The following CAMK1D variants were observed in gnomAD, a reference collection of about 807,000 sequenced individuals.
CAMK1D encodes calcium/calmodulin-dependent protein kinase type 1D.
A neutral mutation model predicts 47.7 loss-of-function variants in CAMK1D; 9 were observed. The observed-to-expected ratio is 0.19, with a 90% CI of 0.11 to 0.33. The LOEUF is 0.33. Ranked by LOEUF, CAMK1D falls within the 10% of genes least tolerant of loss-of-function variation. CAMK1D has a pLI of 1.00. For missense variants in CAMK1D, 291 were observed against 488.7 expected, an observed-to-expected ratio of 0.60 and a Z score of 3.81; for synonymous variants, 184 against 184.9, an observed-to-expected ratio of 0.99 and a Z score of 0.04.
intron 3 of CAMK1D, among the ~76,000 whole-genome samples, chr10:12,729,116 T>G (rs1383369144): frequency 6.6e-6 from 1 of 152,178 alleles, no homozygotes. Flanking sequence ...TTGGGCACCA[T>G]AGAATTCCAA....
intron 1 of CAMK1D, among the ~76,000 whole-genome samples, chr10:12,516,914 T>C (rs1320108081): frequency 1.3e-5 from 2 of 152,236 alleles, no homozygotes; most frequent in African/African-American, 4.8e-5. Context: ...TGTCAGTTTC[T>C]ACAGCAGACT....
At chr10:12,437,662 G>C (rs1184665685) in intron 1 of CAMK1D, among the ~76,000 whole-genome samples, 1 of 152,058 alleles carries the variant, frequency 6.6e-6, no homozygotes, top group African/African-American at 2.4e-5. Flanking sequence ...ACAATGACAC[G>C]TCACCATCAC....
intron 5 of CAMK1D, among the ~76,000 whole-genome samples, chr10:12,790,595 C>G (rs1837936947): frequency 7.2e-6 from 1 of 139,640 alleles, no homozygotes; most frequent in South Asian, 2.2e-4. Context: ...AGTAATCTCA[C>G]ATCTCACACA....
intron 3 of CAMK1D, among the ~76,000 whole-genome samples, chr10:12,756,595 A>G (rs941788102): frequency 3.3e-5 from 5 of 152,224 alleles, no homozygotes; most frequent in African/African-American, 1.2e-4. Flanking sequence ...CACACAATAC[A>G]ATGGCATTAT....
At chr10:12,532,289 T>A (rs1320402759) in intron 1 of CAMK1D, among the ~76,000 whole-genome samples, 1 of 151,624 alleles carries the variant, frequency 6.6e-6, no homozygotes, top group East Asian at 1.9e-4. Flanking sequence ...TTTTCTTTTT[T>A]TTTTTTTTGA....
intron 1 of CAMK1D, among the ~76,000 whole-genome samples, chr10:12,395,143 C>T (rs1260051263): frequency 1.4e-5 from 2 of 141,310 alleles, no homozygotes; most frequent in Non-Finnish European, 3.0e-5. Flanking sequence ...GCGATCATAG[C>T]TAACTGCAGC....
At chr10:12,427,172 A>T (rs1840263178) in intron 1 of CAMK1D, among the ~76,000 whole-genome samples, 1 of 152,140 alleles carries the variant, frequency 6.6e-6, no homozygotes, top group Admixed American at 6.5e-5. Context: ...TTTCAGATGG[A>T]GCCCCGGCAG....
At chr10:12,443,619 T>G (rs1245602727) in intron 1 of CAMK1D, among the ~76,000 whole-genome samples, 1 of 152,052 alleles carries the variant, frequency 6.6e-6, no homozygotes, top group African/African-American at 2.4e-5. Context: ...GCTGGTTTCC[T>G]ATTTTATTTT....
Position 12,349,760 on chromosome 10 carries a change from CCCCG to C in CAMK1D, c.-58_-55del. On this transcript the variant is annotated 5_prime_UTR_variant, in exon 1 of 11. Transcript: ENST00000619168. ...CGCCGCCTCTGCGCCCGCGCCGCGC[CCCCG>C]GCGCCCCCTCCCCAGCGCGCCCCCG... is the stretch of plus-strand genomic sequence containing the variant. 1 of 762,710 alleles carries C rather than the reference CCCCG, an allele frequency of 1.3e-6. No individual in the cohort carries two copies. Among genetic ancestry groups the C allele is most frequent in the Non-Finnish European group, 1.7e-6 (1 of 603,690 alleles). The allele number at this position is 762,710 out of a possible 1,614,324, so 47.2% of individuals were successfully genotyped here.
chr10:12,371,192 C>T (rs1483131808), intron 1 of CAMK1D, among the ~76,000 whole-genome samples: 2 of 151,698 alleles, frequency 1.3e-5, no homozygotes, highest in African/African-American at 4.8e-5. Flanking sequence ...ACTCACCACT[C>T]ACTCACTCAC....
chr10:12,573,831 C>CTTTTT (rs34038018), intron 2 of CAMK1D, among the ~76,000 whole-genome samples: 12,888 of 64,144 alleles, frequency 0.2, 2,635 homozygotes, highest in Non-Finnish European at 0.26. Flanking sequence ...ATTAAAAAAA[C>CTTTTT]TTTTTTTTTT....
At chr10:12,694,347 CATAT>C (rs1477379392) in intron 3 of CAMK1D, among the ~76,000 whole-genome samples, 1 of 52,132 alleles carries the variant, frequency 1.9e-5, no homozygotes, top group Non-Finnish European at 3.3e-5. Flanking sequence ...TAATATATAA[CATAT>C]ATATGTTATA....
At chr10:12,363,665 GTTTTTTTT>G (rs1165886868) in intron 1 of CAMK1D, among the ~76,000 whole-genome samples, 1 of 117,108 alleles carries the variant, frequency 8.5e-6, no homozygotes, top group Non-Finnish European at 1.7e-5. Flanking sequence ...GTTTCCTAAG[GTTTTTTTT>G]TTTTTTTTTT....
chr10:12,564,071 CTATCTATCTAGA>C (rs1242543288), intron 2 of CAMK1D, among the ~76,000 whole-genome samples: 3 of 151,774 alleles, frequency 2.0e-5, no homozygotes, highest in Non-Finnish European at 4.4e-5. Flanking sequence ...GTCTGTCTGT[CTATCTATCTAGA>C]TATCTATCTA....
chr10:12,806,866 C>A (rs1165413548), intron 6 of CAMK1D, among the ~76,000 whole-genome samples: 1 of 152,156 alleles, frequency 6.6e-6, no homozygotes, highest in African/African-American at 2.4e-5. Flanking sequence ...TTCAATATGC[C>A]AAGACCGTGG....
chr10:12,457,262 G>A (rs753049803), intron 1 of CAMK1D, among the ~76,000 whole-genome samples: 12 of 151,920 alleles, frequency 7.9e-5, no homozygotes, highest in Non-Finnish European at 1.0e-4. Context: ...GTGGTGGCAC[G>A]TGCCTGTAAT....
At chr10:12,497,357 G>A (rs996380946) in intron 1 of CAMK1D, among the ~76,000 whole-genome samples, 2 of 151,858 alleles carry the variant, frequency 1.3e-5, no homozygotes, top group South Asian at 4.2e-4. Context: ...CGTGCCTGTA[G>A]TGCCAGCTAT....
intron 1 of CAMK1D, among the ~76,000 whole-genome samples, chr10:12,430,498 G>A (rs1247539332): frequency 6.6e-6 from 1 of 152,176 alleles, no homozygotes; most frequent in African/African-American, 2.4e-5. Context: ...CAAGTCATTT[G>A]AATTAATTAC....
intron 2 of CAMK1D, among the ~76,000 whole-genome samples, chr10:12,578,184 C>T (rs1837550545): frequency 6.6e-6 from 1 of 152,118 alleles, no homozygotes; most frequent in Non-Finnish European, 1.5e-5. Flanking sequence ...AAGCGATCCT[C>T]TCACCTCAGC....
Sources: gnomAD v4.1 joint callset for allele counts (sites outside exome capture counted in the v4.1 genomes callset) on GRCh38, gnomAD v4.1.1 for gene constraint, MANE v1.5 for transcripts, NCBI Gene and HGNC (gene_info 2026-07-23, HGNC 2026-07-21) for gene names.